Variants in FOXN3 observed in about 807,000 individuals in gnomAD.
FOXN3 encodes the protein forkhead box N3, also known as forkhead box protein N3.
A neutral mutation model predicts 38.4 loss-of-function variants in FOXN3; 7 were observed. The observed-to-expected ratio is 0.18, with a 90% CI of 0.10 to 0.34. FOXN3 has a LOEUF of 0.34. FOXN3 is among the 10% of genes least tolerant of loss of function. The probability of loss-of-function intolerance (pLI) is 1.00; values close to 1 mark genes in which losing one functional copy is unlikely to be tolerated. For missense variants in FOXN3, 456 were observed against 613.4 expected (o/e 0.74, Z 2.71); for synonymous variants, 230 against 242.2 (o/e 0.95, Z 0.47).
chr14:89,482,999 G>A (rs1343128780), intron 1 of FOXN3, among the ~76,000 whole-genome samples: 20 of 152,046 alleles, frequency 1.3e-4, no homozygotes, highest in Admixed American at 1.3e-3. Context: ...CTTGAGGCCA[G>A]GAGTTCAAGA....
chr14:89,601,990 G>A (rs955338183), intron 1 of FOXN3, among the ~76,000 whole-genome samples: 22 of 152,148 alleles, frequency 1.4e-4, no homozygotes, highest in Admixed American at 1.4e-3. Flanking sequence ...ATGTCCCATG[G>A]ATATTCTACT....
chr14:89,293,376 T>C (rs1340322320), intron 3 of FOXN3, among the ~76,000 whole-genome samples: 3 of 152,176 alleles, frequency 2.0e-5, no homozygotes, highest in Non-Finnish European at 1.5e-5. Context: ...CAGAAATTCC[T>C]CCTCTCACAG....
intron 4 of FOXN3, among the ~76,000 whole-genome samples, chr14:89,257,159 C>T (rs1466137785): frequency 6.6e-6 from 1 of 152,180 alleles, no homozygotes. Context: ...CCATCAACAA[C>T]TCATATGGAC....
At chr14:89,497,964 A>G (rs1893719871) in intron 1 of FOXN3, among the ~76,000 whole-genome samples, 1 of 151,992 alleles carries the variant, frequency 6.6e-6, no homozygotes, top group Non-Finnish European at 1.5e-5. Flanking sequence ...GGTATGAGGC[A>G]GTATCTCACT....
chr14:89,286,308 T>C (rs1886627633), intron 3 of FOXN3, among the ~76,000 whole-genome samples: 1 of 151,588 alleles, frequency 6.6e-6, no homozygotes, highest in South Asian at 2.1e-4. Context: ...AGGAAGAATA[T>C]CTGAATGTCC....
intron 1 of FOXN3, among the ~76,000 whole-genome samples, chr14:89,415,013 TG>T (rs1176818846): frequency 6.6e-6 from 1 of 152,226 alleles, no homozygotes; most frequent in Non-Finnish European, 1.5e-5. Flanking sequence ...TAGCATCTTT[TG>T]GCTTGGGGAT....
intron 1 of FOXN3, among the ~76,000 whole-genome samples, chr14:89,474,569 C>G (rs17125913): frequency 6.6e-6 from 1 of 152,146 alleles, no homozygotes; most frequent in Non-Finnish European, 1.5e-5. Context: ...TAATAAGAAT[C>G]GTCAGGACAG....
chr14:89,417,822 G>A (rs1022530406), upstream of FOXN3: 37 of 446,874 alleles, frequency 8.3e-5, no homozygotes, highest in East Asian at 2.6e-3. Context: ...TCCCACCCAG[G>A]TGGCCGCGTG....
At chr14:89,335,794 A>G (rs1342301129) in intron 3 of FOXN3, among the ~76,000 whole-genome samples, 1 of 152,234 alleles carries the variant, frequency 6.6e-6, no homozygotes. Flanking sequence ...TGCTCTAACA[A>G]CAATAATTTT....
chr14:89,421,688 G>A (rs143825952), upstream of FOXN3, among the ~76,000 whole-genome samples: 1,221 of 150,496 alleles, frequency 8.1e-3, 6 homozygotes, highest in Non-Finnish European at 0.01. Flanking sequence ...CACCACGCAC[G>A]GCTAATTTTT....
chr14:89,516,295 A>G (rs406754), intron 1 of FOXN3, among the ~76,000 whole-genome samples: 83,115 of 151,428 alleles, frequency 0.55, 23,252 homozygotes, highest in Middle Eastern at 0.6. Flanking sequence ...TTTCTCAGTT[A>G]CTTTAATCTT....
chr14:89,518,974 C>T (rs1219981345), intron 1 of FOXN3, among the ~76,000 whole-genome samples: 2 of 152,078 alleles, frequency 1.3e-5, no homozygotes, highest in Non-Finnish European at 2.9e-5. Flanking sequence ...GAGATCATAC[C>T]ACTGCACTCT....
At chr14:89,611,763 G>A (rs892386470) in intron 1 of FOXN3, among the ~76,000 whole-genome samples, 6 of 142,492 alleles carry the variant, frequency 4.2e-5, no homozygotes, top group South Asian at 2.2e-4. Flanking sequence ...CCGAGATCGT[G>A]CCACTGCACT....
intron 3 of FOXN3, among the ~76,000 whole-genome samples, chr14:89,343,628 T>C (rs1459177075): frequency 5.2e-3 from 3 of 576 alleles, no homozygotes; most frequent in African/African-American, 5.8e-3. Context: ...ATGTGTGTGG[T>C]TTTTTTTTTT....
At chr14:89,263,003 G>A (rs1885855495) in intron 4 of FOXN3, among the ~76,000 whole-genome samples, 1 of 152,150 alleles carries the variant, frequency 6.6e-6, no homozygotes, top group South Asian at 2.1e-4. Context: ...ATATTCCACT[G>A]GAAATTATAG....
At chr14:89,219,349 G>A (rs184713719) in intron 4 of FOXN3, among the ~76,000 whole-genome samples, 1 of 152,320 alleles carries the variant, frequency 6.6e-6, no homozygotes, top group East Asian at 1.9e-4. Context: ...CCAGCCATGT[G>A]GAACTGTGAG....
intron 3 of FOXN3, among the ~76,000 whole-genome samples, chr14:89,341,889 C>T (rs1248212779): frequency 6.6e-6 from 1 of 152,174 alleles, no homozygotes; most frequent in Non-Finnish European, 1.5e-5. Context: ...ATGCCTAAGG[C>T]GTCGCTGTGC....
At chr14:89,440,256 C>G (rs1292494774) in intron 1 of FOXN3, among the ~76,000 whole-genome samples, 2 of 152,182 alleles carry the variant, frequency 1.3e-5, no homozygotes, top group African/African-American at 2.4e-5. Context: ...TCTAGGGGTG[C>G]TTTCCTGGCC....
At chr14:89,471,806 A>T (rs1431746354) in intron 1 of FOXN3, among the ~76,000 whole-genome samples, 1 of 152,034 alleles carries the variant, frequency 6.6e-6, no homozygotes, top group East Asian at 1.9e-4. Flanking sequence ...TCACTACTGG[A>T]CAACTTTAGG....
Sources: gnomAD v4.1 joint callset for allele counts (sites outside exome capture counted in the v4.1 genomes callset) on GRCh38, gnomAD v4.1.1 for gene constraint, MANE v1.5 for transcripts, NCBI Gene and HGNC (gene_info 2026-07-23, HGNC 2026-07-21) for gene names.